Variants in QTMAN observed in about 807,000 individuals in gnomAD.
The protein encoded by QTMAN is tRNA-queuosine alpha-mannosyltransferase.
At chr2:143,964,564 T>C in the QTMAN span, among the ~76,000 whole-genome samples, 1 of 152,170 alleles carries the variant, frequency 6.6e-6, no homozygotes, top group South Asian at 2.1e-4. Flanking sequence ...ATGTATGTTA[T>C]TTGTGTCCTA....
chr2:144,309,994 A>T, the QTMAN span, among the ~76,000 whole-genome samples: 72 of 152,014 alleles, frequency 4.7e-4, no homozygotes, highest in African/African-American at 1.6e-3. Flanking sequence ...CTTTGCACTC[A>T]TCAAGCTTTC....
the QTMAN span, among the ~76,000 whole-genome samples, chr2:144,116,215 T>C: frequency 3.4e-5 from 5 of 145,508 alleles, no homozygotes; most frequent in South Asian, 1.1e-3. Context: ...GCTTATATAT[T>C]AGTCAACCTT....
chr2:144,092,857 A>C, the QTMAN span, among the ~76,000 whole-genome samples: 1 of 142,156 alleles, frequency 7.0e-6, no homozygotes, highest in Non-Finnish European at 1.5e-5. Flanking sequence ...AAGTTGAATA[A>C]ATAAACTTTT....
At chr2:144,310,089 T>C in the QTMAN span, among the ~76,000 whole-genome samples, 1 of 152,202 alleles carries the variant, frequency 6.6e-6, no homozygotes, top group Non-Finnish European at 1.5e-5. Flanking sequence ...CATAAAGTAG[T>C]TGCAGGGAGA....
the QTMAN span, among the ~76,000 whole-genome samples, chr2:144,023,480 C>T: frequency 6.6e-6 from 1 of 152,186 alleles, no homozygotes. Flanking sequence ...CCAAATTCCC[C>T]TCTTCTGAGC....
the QTMAN span, among the ~76,000 whole-genome samples, chr2:144,128,881 T>C: frequency 1.3e-5 from 2 of 151,968 alleles, no homozygotes; most frequent in South Asian, 4.1e-4. Flanking sequence ...TTTTAGTTAA[T>C]AATACAAGAA....
chr2:144,292,153 C>A, the QTMAN span, among the ~76,000 whole-genome samples: 1 of 152,154 alleles, frequency 6.6e-6, no homozygotes, highest in East Asian at 1.9e-4. Context: ...TGGTCTATTA[C>A]CTTCTAAGGC....
At chr2:144,110,187 T>A in the QTMAN span, among the ~76,000 whole-genome samples, 1 of 152,186 alleles carries the variant, frequency 6.6e-6, no homozygotes, top group Admixed American at 6.5e-5. Context: ...GTGGCACATA[T>A]ATACCATGGA....
the QTMAN span, among the ~76,000 whole-genome samples, chr2:144,054,761 G>A: frequency 6.6e-6 from 1 of 152,102 alleles, no homozygotes; most frequent in Non-Finnish European, 1.5e-5. Context: ...ATCCCTGCCC[G>A]AGATGCCCTC....
the QTMAN span, among the ~76,000 whole-genome samples, chr2:144,127,702 A>T: frequency 6.6e-6 from 1 of 151,998 alleles, no homozygotes; most frequent in Non-Finnish European, 1.5e-5. Flanking sequence ...TATATTCCAC[A>T]CTTTACCTAT....
chr2:144,184,659 T>A, the QTMAN span, among the ~76,000 whole-genome samples: 1 of 152,148 alleles, frequency 6.6e-6, no homozygotes, highest in Non-Finnish European at 1.5e-5. Flanking sequence ...AGGGACTAAA[T>A]ATAATAAATT....
the QTMAN span, among the ~76,000 whole-genome samples, chr2:144,193,510 GTGTGTGTGTGTGTA>G: frequency 6.9e-6 from 1 of 145,102 alleles, no homozygotes; most frequent in Non-Finnish European, 1.5e-5. Flanking sequence ...TATTACGTGT[GTGTGTGTGTGTGTA>G]TGTGTGTGTG....
the QTMAN span, among the ~76,000 whole-genome samples, chr2:144,243,679 A>C: frequency 6.6e-6 from 1 of 152,198 alleles, no homozygotes. Flanking sequence ...TGATATCAAA[A>C]GGCATCCAAG....
At chr2:144,306,045 C>T in the QTMAN span, among the ~76,000 whole-genome samples, 1 of 152,096 alleles carries the variant, frequency 6.6e-6, no homozygotes, top group African/African-American at 2.4e-5. Context: ...TTCTTTTTCT[C>T]GACAAATTGT....
At chr2:144,134,873 A>T in the QTMAN span, among the ~76,000 whole-genome samples, 17 of 152,168 alleles carry the variant, frequency 1.1e-4, no homozygotes, top group African/African-American at 3.9e-4. Context: ...AAACATAAAC[A>T]TTTGATCTTT....
chr2:143,946,054 C>T, the QTMAN span: 1 of 152,230 alleles, frequency 6.6e-6, no homozygotes, highest in South Asian at 2.1e-4. Context: ...ATTTATTTTA[C>T]CATCTAGCCA....
the QTMAN span, among the ~76,000 whole-genome samples, chr2:144,285,436 A>G: frequency 3.3e-5 from 5 of 152,320 alleles, no homozygotes; most frequent in African/African-American, 7.2e-5. Flanking sequence ...TTTACAAAAC[A>G]TATCTATAAG....
At chr2:143,958,694 G>C in the QTMAN span, among the ~76,000 whole-genome samples, 2 of 151,830 alleles carry the variant, frequency 1.3e-5, no homozygotes, top group African/African-American at 4.8e-5. Context: ...TCATCCTACA[G>C]GAGTGTGGAC....
the QTMAN span, among the ~76,000 whole-genome samples, chr2:144,129,816 A>G: frequency 6.6e-6 from 1 of 152,002 alleles, no homozygotes; most frequent in Non-Finnish European, 1.5e-5. Flanking sequence ...TACCACATTT[A>G]ATAGTACTGA....
Sources: gnomAD v4.1 joint callset for allele counts (sites outside exome capture counted in the v4.1 genomes callset) on GRCh38, gnomAD v4.1.1 for gene constraint, MANE v1.5 for transcripts, NCBI Gene and HGNC (gene_info 2026-07-23, HGNC 2026-07-21) for gene names.